The following DMKN variants were observed in gnomAD, a reference collection of about 807,000 sequenced individuals.
DMKN encodes dermokine.
DMKN carries 58 observed loss-of-function variants against 67.6 expected under a neutral mutation model. That is an observed-to-expected ratio of 0.86 (90% CI 0.69 to 1.07). The LOEUF is 1.07. DMKN is among the 50% of genes least tolerant of loss of function. The pLI, the probability that DMKN is intolerant of heterozygous loss-of-function variation, is 0.00. For synonymous variants in DMKN, 240 were observed against 232.3 expected (o/e 1.03, Z -0.30); for missense variants, 596 against 601.5 (o/e 0.99, Z 0.10).
chr19:35,502,283 C>T (rs1047776462), intron 10 of DMKN, 100 bp from the exon 11 acceptor site: 1 of 1,224,022 alleles, frequency 8.2e-7, no homozygotes, highest in African/African-American at 1.5e-5. Context: ...TAGGAAGGAG[C>T]TTTTGGGTGT....
In DMKN at chr19:35,511,433, T is replaced by C. The variant is rs746287740; in HGVS notation, c.896A>G (p.Asp299Gly). Residue 299 changes from aspartate (D) to glycine (G), a missense_variant, in exon 5 of 16, where the codon GAC becomes GGC. By Grantham distance (94) the Asp-to-Gly change is moderately conservative. Transcript: ENST00000339686. ...SSGNSGGSRG[D>G]SGSESSWGSS... ...CACCCAGGAGGACTCACTGCCGCTG[T>C]CACCTCTGCTGCCACCACTGTTGCC... The C allele has an allele frequency of 1.2e-6, 2 of 1,607,494 alleles. No homozygotes were observed. Among genetic ancestry groups the C allele is most frequent in the Non-Finnish European group, 1.7e-6 (2 of 1,179,398 alleles).
intron 7 of DMKN, chr19:35,507,489 C>T (rs576676978): frequency 8.4e-6 from 13 of 1,551,326 alleles, no homozygotes; most frequent in Admixed American, 5.9e-5. Flanking sequence ...TCCAAGGAGG[C>T]GATTGCCCTC....
At position 35,506,150 on chromosome 19, in the gene DMKN, G is replaced by A. The variant is rs199745979; in HGVS notation, c.1039-164C>T. On this transcript the variant is annotated intron_variant, in intron 7 of 15. Transcript: ENST00000339686. The stretch of plus-strand genomic sequence containing the variant: ...CCACAGTATTGACTCCACCAACAGC[G>A]TCACCTCCTCCACTGCCCCAGCTCG... 2,922 of 1,553,108 alleles carry A rather than the reference G, an allele frequency of 1.9e-3. 5 individuals carry two copies. The highest frequency in any genetic ancestry group is 2.3e-3 in the Admixed American group (120 of 51,772).
Position 35,513,182 on chromosome 19 carries a change from CCT to C in DMKN, c.292_293del (p.Arg98GlyfsTer129). 6.2e-7 allele frequency: 1 copy of C among 1,614,174 alleles called. No individual in the cohort carries two copies. Among genetic ancestry groups the C allele is most frequent in the South Asian group, 1.1e-5 (1 of 91,090 alleles). ...CCAGAGCATGGGCTGCTTCCCCGACCCTGTTGCCCAAAGCATCTGCTACGCCA... is the reference window on the plus strand; with the variant it reads ...CCAGAGCATGGGCTGCTTCCCCGACCGTTGCCCAAAGCATCTGCTACGCCA... The part of the protein sequence containing the change: ...GFGVADALGN[R>X]VGEAAHALGN... On this transcript the variant is annotated frameshift_variant, in exon 1 of 16. Coordinates refer to ENST00000339686, the MANE Select transcript of DMKN (RefSeq NM_033317.5). LOFTEE classifies it high-confidence loss of function.
intron 11 of DMKN, 174 bp downstream of exon 11, chr19:35,501,962 C>T (rs2293699): frequency 0.11 from 166,725 of 1,549,030 alleles, 9,786 homozygotes; most frequent in South Asian, 0.19. Flanking sequence ...GTCCTCCCAC[C>T]CTGCTCCTCA....
In DMKN at chr19:35,509,976, A is replaced by C; in HGVS notation, c.988-15T>G. 2 of 1,614,018 alleles carry C rather than the reference A, an allele frequency of 1.2e-6. No individual in the cohort carries two copies. Among genetic ancestry groups the C allele is most frequent in the Non-Finnish European group, 8.5e-7 (1 of 1,179,936 alleles). Reference sequence around the variant, plus strand: ...GGCTTTTCACACTGCCGGGGAGAGAAAGGGGAGACTTTCCCTCAGTCCCCT... The same window carrying C: ...GGCTTTTCACACTGCCGGGGAGAGACAGGGGAGACTTTCCCTCAGTCCCCT... On this transcript the variant is annotated splice_polypyrimidine_tract_variant and intron_variant, in intron 6 of 15. Transcript: ENST00000339686.
intron 7 of DMKN, chr19:35,507,791 G>A (rs747295073): frequency 1.7e-5 from 8 of 459,708 alleles, no homozygotes; most frequent in South Asian, 3.3e-5. Flanking sequence ...TCTGCAAGCC[G>A]CCCAAAATCC....
chr19:35,512,521 G>A (rs376100045), intron 2 of DMKN, 44 bp from the exon 3 acceptor site: 7 of 1,613,950 alleles, frequency 4.3e-6, no homozygotes, highest in Middle Eastern at 1.6e-4. Flanking sequence ...GAGGGACCAG[G>A]GAGGCACGCG....
chr19:35,512,067 G>A (rs7408798), intron 3 of DMKN, among the ~76,000 whole-genome samples: 17,923 of 145,498 alleles, frequency 0.12, 1,644 homozygotes, highest in East Asian at 0.33. Flanking sequence ...ATGCGATCTC[G>A]GCTCACTGCA....
chr19:35,507,217 C>G, intron 7 of DMKN: 1 of 433,652 alleles, frequency 2.3e-6, no homozygotes, highest in Non-Finnish European at 4.2e-6. Context: ...TTACTTTTAT[C>G]TGTTTTCTCC....
intron 9 of DMKN, among the ~76,000 whole-genome samples, chr19:35,504,171 G>T (rs1246108341): frequency 6.6e-6 from 1 of 151,760 alleles, no homozygotes; most frequent in Non-Finnish European, 1.5e-5. Context: ...AACTGGCAGG[G>T]TGTCTATCCT....
Position 35,502,083 on chromosome 19 carries a change from G to A in DMKN, c.1239+53C>T, listed in dbSNP as rs985198917. ...GGACAGACACCTGGGTCAGCGGCTC[G>A]CCCAGGGCCCCGAACCCTGTGTCCC... is the stretch of plus-strand genomic sequence containing the variant. On this transcript the variant is annotated intron_variant, in intron 11 of 15. Coordinates refer to ENST00000339686, the MANE Select transcript of DMKN (RefSeq NM_033317.5). 3.6e-5 allele frequency: 58 copies of A among 1,607,958 alleles called. 1 individual carries two copies. The highest frequency in any genetic ancestry group is 1.1e-4 in the East Asian group (5 of 44,528).
In DMKN at chr19:35,511,483, A is replaced by ACTG. The variant is rs749001241; in HGVS notation, c.843_845dup (p.Ser282dup). ...CACTGCTGCCACCACTGCTGCCGCC[A>ACTG]CTGCTGCCGCCACTGCTGCTGCCAC... is the stretch of plus-strand genomic sequence containing the variant. On this transcript the variant is annotated inframe_insertion, in exon 5 of 16. Transcript: ENST00000339686. 3.7e-5 allele frequency: 41 copies of ACTG among 1,097,856 alleles called. 2 individuals carry two copies. The South Asian group carries it at 6.6e-4, about 18-fold the overall frequency. 68.0% of individuals were successfully genotyped at this position (1,097,856 alleles called of 1,614,324 possible).
chr19:35,512,176 T>G (rs931098785), intron 3 of DMKN, among the ~76,000 whole-genome samples: 1 of 152,112 alleles, frequency 6.6e-6, no homozygotes, highest in African/African-American at 2.4e-5. Context: ...TTTTGTATTT[T>G]TAGTGAAGAC....
At chr19:35,511,144 G>A (rs2070683187) in intron 5 of DMKN, among the ~76,000 whole-genome samples, 1 of 152,180 alleles carries the variant, frequency 6.6e-6, no homozygotes, top group Non-Finnish European at 1.5e-5. Context: ...TTAGACAGGC[G>A]GGATAACGTC....
intron 11 of DMKN, among the ~76,000 whole-genome samples, chr19:35,501,117 C>G (rs966162301): frequency 1.3e-4 from 19 of 151,894 alleles, no homozygotes; most frequent in Non-Finnish European, 2.2e-4. Context: ...CACCGGACAC[C>G]CCCCCCAGCC....
At chr19:35,497,870 AC>A (rs1432698579) in intron 15 of DMKN, 2 of 152,112 alleles carry the variant, frequency 1.3e-5, no homozygotes, top group Non-Finnish European at 2.9e-5. Flanking sequence ...ATGTGGTCCC[AC>A]CCTAAGGTGC....
chr19:35,500,557 C>T lies in DMKN; in HGVS notation c.1263G>A (p.Gln421=), dbSNP rs1489010941. 1 of 1,612,752 alleles carries T rather than the reference C, an allele frequency of 6.2e-7. No individual in the cohort carries two copies. The change falls in exon 12 of 16, where the codon CAG becomes CAA. Residue 421 remains glutamine, a synonymous_variant. Transcript: ENST00000339686. ...CCTGATCGTCTCTGCCTGCACGTTT[C>T]TGCAGTGATGACGCGTCCGCACCCT... ...IIEGADASSL[Q]KRAGRDDQNY...
rs577539557 is a variant in DMKN, at chr19:35,506,912, C to T, written c.1039-926G>A. 8 of 199,998 alleles carry T rather than the reference C, an allele frequency of 4.0e-5. No individual in the cohort carries two copies. In the East Asian group the frequency reaches 9.7e-4, roughly 24 times the overall value. The allele number at this position is 199,998 out of a possible 1,614,324, so 12.4% of individuals were successfully genotyped here. ...CCTGTAATCCCAGCTACTTGGGAGG[C>T]TGAGGCATGTAATCCTAGCTACCTG... On this transcript the variant is annotated intron_variant, in intron 7 of 15. Coordinates refer to ENST00000339686, the MANE Select transcript of DMKN (RefSeq NM_033317.5).
Sources: allele counts gnomAD v4.1 joint callset (sites outside exome capture counted in the v4.1 genomes callset), GRCh38; gene constraint gnomAD v4.1.1; transcripts MANE v1.5; gene names NCBI Gene and HGNC (gene_info 2026-07-23, HGNC 2026-07-21).